The following CHRM3 variants were observed in gnomAD, a reference collection of about 807,000 sequenced individuals.
The protein encoded by CHRM3 is muscarinic acetylcholine receptor M3.
CHRM3 carries 11 observed loss-of-function variants against 41.8 expected under a neutral mutation model. The ratio of observed to expected loss-of-function variants is 0.26; its 90% CI spans 0.17 to 0.44. The LOEUF is 0.44. Among genes scored for constraint, CHRM3 ranks in the 20% least tolerant of loss-of-function variants. The probability of loss-of-function intolerance (pLI) is 1.00; values close to 1 mark genes in which losing one functional copy is unlikely to be tolerated. For missense variants in CHRM3, 571 were observed against 745.4 expected, an observed-to-expected ratio of 0.77 and a Z score of 2.72; for synonymous variants, 297 against 301.4, an observed-to-expected ratio of 0.99 and a Z score of 0.15.
At chr1:239,722,517 G>A (rs563951030) in intron 5 of CHRM3, among the ~76,000 whole-genome samples, 10 of 151,952 alleles carry the variant, frequency 6.6e-5, no homozygotes, top group Admixed American at 3.3e-4. Context: ...TTGCCTATAG[G>A]AGTTGTGACT....
At chr1:239,872,195 G>T (rs967411360) in intron 6 of CHRM3, among the ~76,000 whole-genome samples, 4 of 152,172 alleles carry the variant, frequency 2.6e-5, no homozygotes, top group African/African-American at 9.7e-5. Context: ...AGATGGCAGT[G>T]TGGTGTGAGC....
Position 239,688,682 on chromosome 1 carries a change from G to A in CHRM3, c.-147+10394G>A, listed in dbSNP as rs548363796. 2.0e-4 allele frequency among the ~76,000 whole-genome samples: 25 copies of A among 126,874 alleles called. No homozygotes were observed. The South Asian group carries it at 5.7e-3, about 29-fold the overall frequency. 83.2% of individuals were successfully genotyped at this position (126,874 alleles called of 152,430 possible). ...TATAATATATAATATTATATGTTATGCAATATAATATATAATATTATATAT... is the reference window on the plus strand; with the variant it reads ...TATAATATATAATATTATATGTTATACAATATAATATATAATATTATATAT... On this transcript the variant is annotated intron_variant, in intron 5 of 6. Transcript: ENST00000676153.
intron 5 of CHRM3, among the ~76,000 whole-genome samples, chr1:239,695,161 C>T (rs986743989): frequency 1.3e-5 from 2 of 152,048 alleles, no homozygotes; most frequent in African/African-American, 4.8e-5. Context: ...CAGGCGCATG[C>T]CACCACACCC....
chr1:239,466,318 A>G (rs1665728937), intron 1 of CHRM3, among the ~76,000 whole-genome samples: 1 of 152,078 alleles, frequency 6.6e-6, no homozygotes, highest in Admixed American at 6.6e-5. Context: ...TCAATAGAAA[A>G]TGTCTGTACT....
chr1:239,815,484 T>C (rs946614126), intron 5 of CHRM3, among the ~76,000 whole-genome samples: 1 of 152,254 alleles, frequency 6.6e-6, no homozygotes, highest in Non-Finnish European at 1.5e-5. Flanking sequence ...TATAAACCCC[T>C]ATTTTCATGT....
At chr1:239,422,663 C>T (rs1043486113) in intron 1 of CHRM3, among the ~76,000 whole-genome samples, 2 of 151,836 alleles carry the variant, frequency 1.3e-5, no homozygotes, top group Admixed American at 6.6e-5. Flanking sequence ...GGCATGGTGG[C>T]GTGTGCCTGT....
intron 6 of CHRM3, among the ~76,000 whole-genome samples, chr1:239,843,908 CTA>C (rs1172510870): frequency 6.6e-6 from 1 of 151,666 alleles, no homozygotes; most frequent in Non-Finnish European, 1.5e-5. Context: ...GATATATACT[CTA>C]TATAATTAGA....
At chr1:239,649,885 T>A (rs1463269892) in intron 4 of CHRM3, among the ~76,000 whole-genome samples, 1 of 152,202 alleles carries the variant, frequency 6.6e-6, no homozygotes, top group Non-Finnish European at 1.5e-5. Context: ...TACAAGGTAC[T>A]AGGCAGCAGG....
At chr1:239,467,152 A>C (rs61834721) in intron 1 of CHRM3, among the ~76,000 whole-genome samples, 6,358 of 152,238 alleles carry the variant, frequency 0.042, 208 homozygotes, top group African/African-American at 0.089. Context: ...ACCCCTCACT[A>C]TAAGAATTCC....
intron 5 of CHRM3, among the ~76,000 whole-genome samples, chr1:239,718,390 TG>T (rs1226555357): frequency 6.6e-6 from 1 of 152,050 alleles, no homozygotes; most frequent in Non-Finnish European, 1.5e-5. Context: ...GAAATTTTCC[TG>T]GCATCTTAGA....
intron 5 of CHRM3, among the ~76,000 whole-genome samples, chr1:239,803,981 GAATTGCCAAACA>G (rs1670420392): frequency 6.6e-6 from 1 of 152,196 alleles, no homozygotes; most frequent in Non-Finnish European, 1.5e-5. Context: ...AGACTTGCAA[GAATTGCCAAACA>G]AATCAATTTA....
At chr1:239,472,581 T>C (rs1340523697) in intron 1 of CHRM3, among the ~76,000 whole-genome samples, 1 of 152,154 alleles carries the variant, frequency 6.6e-6, no homozygotes, top group African/African-American at 2.4e-5. Flanking sequence ...TGCAGGGACA[T>C]GAATGGAGCT....
At chr1:239,602,368 G>A (rs924176866) in intron 3 of CHRM3, among the ~76,000 whole-genome samples, 4 of 152,028 alleles carry the variant, frequency 2.6e-5, no homozygotes, top group Admixed American at 1.3e-4. Flanking sequence ...AAATAACTGG[G>A]AGAGTGAAAT....
intron 6 of CHRM3, among the ~76,000 whole-genome samples, chr1:239,835,952 A>G (rs1434597546): frequency 2.6e-5 from 4 of 152,272 alleles, no homozygotes; most frequent in Non-Finnish European, 4.4e-5. Flanking sequence ...CCAACTTTGC[A>G]TCATGTCCTT....
chr1:239,623,085 C>G (rs1668564011), intron 3 of CHRM3, among the ~76,000 whole-genome samples: 1 of 152,026 alleles, frequency 6.6e-6, no homozygotes, highest in Non-Finnish European at 1.5e-5. Context: ...TATAAAGGCT[C>G]AGATGATTGT....
intron 5 of CHRM3, among the ~76,000 whole-genome samples, chr1:239,777,090 C>T (rs555617928): frequency 5.3e-5 from 8 of 152,186 alleles, no homozygotes; most frequent in African/African-American, 1.9e-4. Flanking sequence ...TCCTTTCAAC[C>T]GAAGATTTTG....
chr1:239,501,229 A>C (rs999598029), intron 2 of CHRM3, among the ~76,000 whole-genome samples: 10 of 152,216 alleles, frequency 6.6e-5, no homozygotes, highest in Admixed American at 6.5e-5. Context: ...TTAAGACAGA[A>C]AGTCAACAAA....
chr1:239,850,919 T>TA (rs1450950396), intron 6 of CHRM3, among the ~76,000 whole-genome samples: 1 of 152,216 alleles, frequency 6.6e-6, no homozygotes, highest in Non-Finnish European at 1.5e-5. Context: ...ATGTCTTTAT[T>TA]CACAGCATGA....
At chr1:239,643,500 C>T (rs1029315369) in intron 4 of CHRM3, among the ~76,000 whole-genome samples, 14 of 152,218 alleles carry the variant, frequency 9.2e-5, no homozygotes, top group African/African-American at 4.8e-5. Flanking sequence ...GCCGCGCTGC[C>T]GCCTTGCAGT....
Sources: allele counts gnomAD v4.1 joint callset (sites outside exome capture counted in the v4.1 genomes callset), GRCh38; gene constraint gnomAD v4.1.1; transcripts MANE v1.5; gene names NCBI Gene and HGNC (gene_info 2026-07-23, HGNC 2026-07-21).